Variants in MNAT1 observed in about 807,000 individuals in gnomAD.
MNAT1 encodes the protein MNAT1 component of CDK activating kinase.
MNAT1 carries 43 observed loss-of-function variants against 42.0 expected under a neutral mutation model. The observed-to-expected ratio is 1.02, with a 90% CI of 0.80 to 1.32. MNAT1 has a LOEUF of 1.32. Ranked by LOEUF, MNAT1 falls within the 40% of genes most tolerant of loss-of-function variation. The pLI, the probability that MNAT1 is intolerant of heterozygous loss-of-function variation, is 0.00. For missense variants in MNAT1, 306 were observed against 350.4 expected (o/e 0.87, Z 1.01); for synonymous variants, 118 against 120.0 (o/e 0.98, Z 0.11).
intron 1 of MNAT1, among the ~76,000 whole-genome samples, chr14:60,762,572 G>A (rs1414203656): frequency 5.9e-5 from 9 of 151,970 alleles, no homozygotes; most frequent in African/African-American, 2.2e-4. Context: ...CAGGCATGGT[G>A]GTGGATGCCT....
At position 60,879,808 on chromosome 14, in the gene MNAT1, C is replaced by A. The variant is rs1370873577; in HGVS notation, c.782C>A (p.Pro261His). 1.2e-6 allele frequency: 2 copies of A among 1,613,072 alleles called. No individual in the cohort carries two copies. The highest frequency in any genetic ancestry group is 2.2e-5 in the South Asian group (2 of 90,988). Residue 261 changes from proline to histidine, a missense_variant, in exon 7 of 8, where the codon CCT becomes CAT. Physicochemically the swap from Pro to His is moderately conservative, Grantham distance 77. Coordinates refer to ENST00000261245, the MANE Select transcript of MNAT1 (RefSeq NM_002431.4). ...LQIETYGPHVPELEMLGRLGY... is the reference protein window; with the variant it reads ...LQIETYGPHVHELEMLGRLGY... ...ATAGAGACATATGGACCACATGTTC[C>A]TGAGCTTGAGATGCTAGGAAGACTT...
rs1050634944 is a variant in MNAT1 at position 60,968,773 on chromosome 14, T to C, written c.*424T>C. On this transcript the variant is annotated 3_prime_UTR_variant, in exon 8 of 8. Coordinates refer to ENST00000261245, the MANE Select transcript of MNAT1 (RefSeq NM_002431.4). Reference sequence around the variant, plus strand: ...CATTTACTGTTAATATCCAAGTCTATTATTTCTTCTCATAAAATGTTCCCC... The same window carrying C: ...CATTTACTGTTAATATCCAAGTCTACTATTTCTTCTCATAAAATGTTCCCC... The C allele has an allele frequency of 3.7e-6, 1 of 271,984 alleles. No individual in the cohort carries two copies. The highest frequency in any genetic ancestry group is 2.3e-5 in the African/African-American group (1 of 42,958). The allele number at this position is 271,984 out of a possible 1,614,324, so 16.8% of individuals were successfully genotyped here. A position where few individuals can be genotyped will look rare whatever the true frequency, so the allele number is the denominator to read the frequency against.
At chr14:60,821,275 C>T (rs1026433668) in intron 6 of MNAT1, among the ~76,000 whole-genome samples, 6 of 152,094 alleles carry the variant, frequency 3.9e-5, no homozygotes, top group Admixed American at 3.3e-4. Flanking sequence ...GGCTACCACG[C>T]CTGGCCCATG....
At chr14:60,802,433 G>A (rs1245391839) in intron 3 of MNAT1, among the ~76,000 whole-genome samples, 1 of 151,884 alleles carries the variant, frequency 6.6e-6, no homozygotes, top group Non-Finnish European at 1.5e-5. Flanking sequence ...ACATCACATT[G>A]TACCCCATAG....
intron 7 of MNAT1, among the ~76,000 whole-genome samples, chr14:60,924,844 A>G (rs982294533): frequency 6.6e-6 from 1 of 152,228 alleles, no homozygotes; most frequent in African/African-American, 2.4e-5. Flanking sequence ...TGCATTGCCT[A>G]TTTCTAGAAC....
chr14:60,768,633 T>C (rs2030930817), intron 1 of MNAT1, among the ~76,000 whole-genome samples: 1 of 152,260 alleles, frequency 6.6e-6, no homozygotes. Flanking sequence ...GGCATAATGC[T>C]GAATGCTCTT....
intron 6 of MNAT1, among the ~76,000 whole-genome samples, chr14:60,875,445 A>T (rs2034415550): frequency 6.6e-6 from 1 of 152,126 alleles, no homozygotes. Flanking sequence ...GCTTTTAATC[A>T]TCAAACTGCC....
At chr14:60,923,003 G>T (rs1001103743) in intron 7 of MNAT1, among the ~76,000 whole-genome samples, 1 of 152,112 alleles carries the variant, frequency 6.6e-6, no homozygotes, top group Non-Finnish European at 1.5e-5. Context: ...AGAGTCCTAG[G>T]GCTCAGTAGA....
chr14:60,928,769 GAA>G (rs1302614158), intron 7 of MNAT1, among the ~76,000 whole-genome samples: 2 of 151,880 alleles, frequency 1.3e-5, no homozygotes, highest in African/African-American at 2.4e-5. Context: ...GTTAAAAAAA[GAA>G]TGTCATTTTA....
intron 1 of MNAT1, among the ~76,000 whole-genome samples, chr14:60,744,395 G>T (rs933526933): frequency 2.6e-5 from 4 of 151,888 alleles, no homozygotes; most frequent in Admixed American, 2.6e-4. Context: ...GCCTCCCAAA[G>T]TGCGGGGATT....
chr14:60,791,779 A>G (rs1318403727), intron 1 of MNAT1, among the ~76,000 whole-genome samples: 2 of 152,134 alleles, frequency 1.3e-5, no homozygotes, highest in Non-Finnish European at 2.9e-5. Context: ...GTTTTTTAAA[A>G]TTACAAATAT....
chr14:60,864,497 G>GT lies in MNAT1; in HGVS notation c.688-15214dup, dbSNP rs139961740. The stretch of plus-strand genomic sequence containing the variant: ...GGTTACTTGGTCTTGGAGAGCTTCA[G>GT]TTTCTTTTCCTGTAAAACAGGTAAA... On this transcript the variant is annotated intron_variant, in intron 6 of 7. Transcript: ENST00000261245. Among the ~76,000 whole-genome samples, 699 of 152,036 alleles carry GT rather than the reference G, an allele frequency of 4.6e-3. 17 individuals carry two copies. In the East Asian group the frequency reaches 0.09, roughly 20 times the overall value.
intron 1 of MNAT1, among the ~76,000 whole-genome samples, chr14:60,755,568 C>T (rs2140296342): frequency 6.6e-6 from 1 of 152,314 alleles, no homozygotes; most frequent in South Asian, 2.1e-4. Context: ...AGTCACTGCA[C>T]ACAGCCTGGA....
chr14:60,741,929 C>A (rs1228670136), intron 1 of MNAT1, among the ~76,000 whole-genome samples: 1 of 151,974 alleles, frequency 6.6e-6, no homozygotes, highest in East Asian at 1.9e-4. Context: ...TCCATTATAT[C>A]TAATTATTGA....
intron 6 of MNAT1, among the ~76,000 whole-genome samples, chr14:60,847,176 G>A (rs571083223): frequency 4.6e-5 from 7 of 152,128 alleles, no homozygotes; most frequent in South Asian, 4.2e-4. Flanking sequence ...AGGCCGAGGC[G>A]GGCGGATCAT....
intron 6 of MNAT1, among the ~76,000 whole-genome samples, chr14:60,859,537 C>A (rs1481311794): frequency 6.6e-6 from 1 of 152,168 alleles, no homozygotes; most frequent in African/African-American, 2.4e-5. Flanking sequence ...CAGATAATCT[C>A]TGTTGACACT....
At chr14:60,753,851 T>C (rs532164994) in intron 1 of MNAT1, 3 of 152,234 alleles carry the variant, frequency 2.0e-5, no homozygotes, top group Admixed American at 1.3e-4. Flanking sequence ...CCTGATTGTA[T>C]CAGGGTTGCT....
At chr14:60,880,912 G>T (rs1353452106) in intron 7 of MNAT1, among the ~76,000 whole-genome samples, 1 of 152,148 alleles carries the variant, frequency 6.6e-6, no homozygotes, top group Non-Finnish European at 1.5e-5. Context: ...TAAAATTGAA[G>T]TTTGAAGAGA....
intron 6 of MNAT1, among the ~76,000 whole-genome samples, chr14:60,851,441 GC>G (rs4151259): frequency 0.99 from 151,087 of 152,224 alleles, 74,993 homozygotes; most frequent in East Asian, 1. Flanking sequence ...AAGTTTATCA[GC>G]CACCATTTTT....
Sources: allele counts gnomAD v4.1 joint callset (sites outside exome capture counted in the v4.1 genomes callset), GRCh38; gene constraint gnomAD v4.1.1; transcripts MANE v1.5; gene names NCBI Gene and HGNC (gene_info 2026-07-23, HGNC 2026-07-21).